ASTN2: variants seen among roughly 807,000 people sequenced by gnomAD.
ASTN2 encodes the protein astrotactin 2.
Under a neutral mutation model 139.8 loss-of-function variants are expected in ASTN2, and 54 were observed. The observed-to-expected ratio is 0.39, with a 90% CI of 0.31 to 0.48. The LOEUF is 0.48. ASTN2 is among the 20% of genes least tolerant of loss of function. ASTN2 has a pLI of 0.95. For missense variants in ASTN2, 1,565 were observed against 1,725.1 expected (o/e 0.91, Z 1.64); for synonymous variants, 756 against 719.5 (o/e 1.05, Z -0.81).
chr9:117,379,703 A>C (rs1830215448), intron 1 of ASTN2, among the ~76,000 whole-genome samples: 1 of 152,214 alleles, frequency 6.6e-6, no homozygotes, highest in Non-Finnish European at 1.5e-5. Context: ...AGAAGCACTG[A>C]GATGTATGCC....
intron 3 of ASTN2, among the ~76,000 whole-genome samples, chr9:117,211,938 C>CCCATACCGATAG (rs59160255): frequency 1.3e-5 from 2 of 152,078 alleles, no homozygotes; most frequent in Non-Finnish European, 2.9e-5. Flanking sequence ...CTCCCATGCT[C>CCCATACCGATAG]ATGCAATCTT....
At chr9:117,257,351 G>T (rs1001780328) in intron 2 of ASTN2, among the ~76,000 whole-genome samples, 1 of 152,314 alleles carries the variant, frequency 6.6e-6, no homozygotes, top group South Asian at 2.1e-4. Context: ...ATGATCCAGC[G>T]CTAGAGATGA....
intron 3 of ASTN2, among the ~76,000 whole-genome samples, chr9:117,199,217 C>T (rs1374542157): frequency 2.0e-5 from 3 of 152,136 alleles, no homozygotes; most frequent in Admixed American, 6.6e-5. Context: ...ATGCCTATAT[C>T]CTGAATGGTA....
At chr9:117,328,019 A>T (rs1352354193) in intron 1 of ASTN2, among the ~76,000 whole-genome samples, 1 of 152,198 alleles carries the variant, frequency 6.6e-6, no homozygotes, top group Non-Finnish European at 1.5e-5. Flanking sequence ...GGGAAATTTC[A>T]GTAGAGCTCA....
Position 117,144,660 on chromosome 9 carries a change from G to GTTTTTTTTTTTTTTTTTTTTTTTT in ASTN2, c.1016-3206_1016-3183dup, listed in dbSNP as rs71379267. On this transcript the variant is annotated intron_variant, in intron 3 of 22. Coordinates refer to ENST00000313400, the MANE Select transcript of ASTN2 (RefSeq NM_001365068.1). ...TGACATTTGAGAGGAGTGAACACTAGTTTTTTTTTTTTTTTTTTTTTTTTT... is the reference window on the plus strand; with the variant it reads ...TGACATTTGAGAGGAGTGAACACTAGTTTTTTTTTTTTTTTTTTTTTTTTTTTTTTTTTTTTTTTTTTTTTTTTT... Among the ~76,000 whole-genome samples, 2 of 78,308 alleles carry GTTTTTTTTTTTTTTTTTTTTTTTT rather than the reference G, an allele frequency of 2.6e-5. 1 individual carries two copies. Among genetic ancestry groups the GTTTTTTTTTTTTTTTTTTTTTTTT allele is most frequent in the African/African-American group, 1.2e-4 (2 of 16,530 alleles). The allele number at this position is 78,308 out of a possible 152,430, so 51.4% of individuals were successfully genotyped here. A position where few individuals can be genotyped will look rare whatever the true frequency, so the allele number is the denominator to read the frequency against.
chr9:116,800,817 G>A (rs1334212707), intron 13 of ASTN2, among the ~76,000 whole-genome samples: 1 of 152,190 alleles, frequency 6.6e-6, no homozygotes, highest in Admixed American at 6.5e-5. Flanking sequence ...AGTAAGGTCT[G>A]AAATAGTTAA....
At chr9:117,067,325 G>T (rs202166285) in intron 5 of ASTN2, among the ~76,000 whole-genome samples, 1 of 135,918 alleles carries the variant, frequency 7.4e-6, no homozygotes, top group Admixed American at 7.4e-5. Context: ...GTAGGTATGC[G>T]GCATTATTTC....
intron 10 of ASTN2, among the ~76,000 whole-genome samples, chr9:116,956,980 T>C (rs1835725629): frequency 6.6e-6 from 1 of 152,044 alleles, no homozygotes; most frequent in African/African-American, 2.4e-5. Flanking sequence ...AGATTTAATA[T>C]TGTTAACATG....
chr9:117,140,610 G>T (rs1251284555), intron 4 of ASTN2, among the ~76,000 whole-genome samples: 1 of 151,188 alleles, frequency 6.6e-6, no homozygotes, highest in Non-Finnish European at 1.5e-5. Flanking sequence ...AGATGTAGAA[G>T]GAGAAAGAGG....
chr9:116,724,644 A>G (rs62574199), intron 16 of ASTN2, among the ~76,000 whole-genome samples: 16,548 of 152,238 alleles, frequency 0.11, 1,031 homozygotes, highest in Middle Eastern at 0.16. Flanking sequence ...GCTATGCTCA[A>G]TGAGATCCTT....
chr9:117,253,516 A>G (rs1162043803), intron 2 of ASTN2, among the ~76,000 whole-genome samples: 1 of 152,158 alleles, frequency 6.6e-6, no homozygotes, highest in Non-Finnish European at 1.5e-5. Flanking sequence ...GGAGCTGGAC[A>G]TTGTGACAAA....
chr9:116,809,526 T>A (rs1171230018), intron 12 of ASTN2, among the ~76,000 whole-genome samples: 2 of 152,170 alleles, frequency 1.3e-5, no homozygotes, highest in Non-Finnish European at 2.9e-5. Context: ...CTCCCCTTCA[T>A]CAACACTAGT....
intron 2 of ASTN2, among the ~76,000 whole-genome samples, chr9:117,231,175 A>T (rs900075124): frequency 2.6e-5 from 4 of 152,224 alleles, no homozygotes; most frequent in Non-Finnish European, 5.9e-5. Flanking sequence ...TGATGTTAGC[A>T]GTAGTATCTA....
At chr9:116,673,777 T>C (rs1859337250) in intron 16 of ASTN2, among the ~76,000 whole-genome samples, 1 of 152,180 alleles carries the variant, frequency 6.6e-6, no homozygotes, top group Non-Finnish European at 1.5e-5. Context: ...TAATTTGAGT[T>C]TTCTATGCTC....
intron 3 of ASTN2, among the ~76,000 whole-genome samples, chr9:117,144,258 G>A (rs1043797765): frequency 7.2e-5 from 11 of 152,222 alleles, no homozygotes; most frequent in Middle Eastern, 3.4e-3. Flanking sequence ...GCCTCCAGAA[G>A]TACGAGAAAA....
At chr9:116,615,649 C>T (rs2131814283) in intron 19 of ASTN2, among the ~76,000 whole-genome samples, 1 of 149,992 alleles carries the variant, frequency 6.7e-6, no homozygotes, top group East Asian at 2.0e-4. Flanking sequence ...ACCGCATGTT[C>T]TCACTCATAG....
intron 19 of ASTN2, among the ~76,000 whole-genome samples, chr9:116,537,541 A>T (rs1851694545): frequency 6.6e-6 from 1 of 152,356 alleles, no homozygotes; most frequent in African/African-American, 2.4e-5. Context: ...AACTGTAAAC[A>T]TACAGTGAAG....
At chr9:116,922,164 T>C (rs375252463) in intron 10 of ASTN2, among the ~76,000 whole-genome samples, 2 of 152,224 alleles carry the variant, frequency 1.3e-5, no homozygotes, top group African/African-American at 4.8e-5. Context: ...AACCCTCCTA[T>C]GCATTACTAA....
intron 2 of ASTN2, among the ~76,000 whole-genome samples, chr9:117,285,962 C>T (rs1007533067): frequency 1.3e-5 from 2 of 151,854 alleles, no homozygotes; most frequent in Middle Eastern, 3.2e-3. Flanking sequence ...ACCACAAAGA[C>T]AAAAGGGAAA....
Sources: allele counts gnomAD v4.1 joint callset (sites outside exome capture counted in the v4.1 genomes callset), GRCh38; gene constraint gnomAD v4.1.1; transcripts MANE v1.5; gene names NCBI Gene and HGNC (gene_info 2026-07-23, HGNC 2026-07-21).